BRWD1: variants seen among roughly 807,000 people sequenced by gnomAD.
The protein encoded by BRWD1 is bromodomain and WD repeat domain containing 1, also known as bromodomain and WD repeat-containing protein 1.
BRWD1 carries 82 observed loss-of-function variants against 251.2 expected under a neutral mutation model. The observed-to-expected ratio is 0.33, with a 90% CI of 0.27 to 0.39. The LOEUF (loss-of-function observed/expected upper bound fraction) is 0.39, where lower values mean the gene tolerates loss of function less well. Among genes scored for constraint, BRWD1 ranks in the 10% least tolerant of loss-of-function variants. The pLI is 1.00. For missense variants in BRWD1, 2,233 were observed against 2,711.6 expected (o/e 0.82, Z 3.92); for synonymous variants, 918 against 902.8 (o/e 1.02, Z -0.30).
rs1357260391 is a variant in BRWD1 at position 39,194,658 on chromosome 21, A to G, written c.*1601T>C. 6.5e-7 allele frequency: 1 copy of G among 1,533,668 alleles called. No individual in the cohort carries two copies. On this transcript the variant is annotated 3_prime_UTR_variant, in exon 41 of 41. Transcript: ENST00000342449. ...GTCAAATGGAATAGATAACTACAAA[A>G]TAGGAACACTTCAGAACATTCTCTA...
intron 4 of BRWD1, 44 bp from the exon 5 acceptor site, chr21:39,298,626 A>C: frequency 6.8e-7 from 1 of 1,463,662 alleles, no homozygotes; most frequent in African/African-American, 1.4e-5. Context: ...TAATAATATC[A>C]AAAACTATTA....
Position 39,194,024 on chromosome 21 carries a change from C to G in BRWD1, c.*2235G>C. ...GGCTATGCTTTTAAAGACATCAGGT[C>G]CATTCTTGCTGCTTCTGATGAAACC... On this transcript the variant is annotated 3_prime_UTR_variant, in exon 41 of 41. Transcript: ENST00000342449. 1.0e-6 allele frequency: 1 copy of G among 985,472 alleles called. No homozygotes were observed. The highest frequency in any genetic ancestry group is 1.2e-6 in the Non-Finnish European group (1 of 829,704). The allele number at this position is 985,472 out of a possible 1,614,324, so 61.0% of individuals were successfully genotyped here. A position where few individuals can be genotyped will look rare whatever the true frequency, so the allele number is the denominator to read the frequency against.
chr21:39,304,141 C>CAAAAAAAAAAAAA (rs56990201), intron 4 of BRWD1, among the ~76,000 whole-genome samples: 4 of 118,382 alleles, frequency 3.4e-5, no homozygotes, highest in Non-Finnish European at 5.2e-5. Flanking sequence ...AACTCTTTCT[C>CAAAAAAAAAAAAA]AAAAAAAAAA....
chr21:39,215,418 T>G (rs1246143550), intron 31 of BRWD1, 56 bp from the exon 32 acceptor site: 1 of 1,485,234 alleles, frequency 6.7e-7, no homozygotes, highest in East Asian at 2.3e-5. Context: ...AGAAACCAAG[T>G]GAAAAAATGC....
Position 39,187,372 on chromosome 21 carries a change from C to A in BRWD1, c.*8887G>T, listed in dbSNP as rs907351770. ...CACTGCATCCTTCTGATTATGCATA[C>A]ATGTTCTCACTTTTGTATTGGGTTC... is the stretch of plus-strand genomic sequence containing the variant. On this transcript the variant is annotated 3_prime_UTR_variant, in exon 41 of 41. Transcript: ENST00000342449. The A allele has an allele frequency of 3.1e-6, 5 of 1,605,172 alleles. No individual in the cohort carries two copies. The African/African-American group carries it at 6.7e-5, about 22-fold the overall frequency.
intron 29 of BRWD1, among the ~76,000 whole-genome samples, chr21:39,221,152 C>CT (rs1238338791): frequency 9.8e-6 from 1 of 101,766 alleles, no homozygotes; most frequent in Non-Finnish European, 2.0e-5. Flanking sequence ...AAAACTACAT[C>CT]TTAAAAAAAA....
rs1361697042 is a variant in BRWD1, at chr21:39,295,794, T to C, written c.558A>G (p.Leu186=). The C allele has an allele frequency of 8.7e-6, 14 of 1,612,080 alleles. No homozygotes were observed. In the Middle Eastern group the frequency reaches 4.9e-4, roughly 57 times the overall value. Residue 186 remains leucine, a synonymous_variant, in exon 7 of 41, where the codon CTA becomes CTG. Transcript: ENST00000342449. The stretch of plus-strand genomic sequence containing the variant: ...CAAATGCTACACAGTAAACAGCAGA[T>C]AGATGTCCGAGAATCCTTCTGTGCA... ...IKMHRRILGH[L]SAVYCVAFDR...
intron 25 of BRWD1, among the ~76,000 whole-genome samples, chr21:39,230,960 G>A (rs571361742): frequency 5.9e-5 from 9 of 152,198 alleles, no homozygotes; most frequent in African/African-American, 9.6e-5. Flanking sequence ...AAGCAAGTAC[G>A]CAGTTCACAA....
chr21:39,229,630 G>C (rs549578582), intron 25 of BRWD1, among the ~76,000 whole-genome samples, 194 bp from the exon 26 acceptor site: 1 of 152,092 alleles, frequency 6.6e-6, no homozygotes, highest in South Asian at 2.1e-4. Context: ...CTAATACAAA[G>C]AACATCCTTT....
In BRWD1 at chr21:39,193,533, C is replaced by A. The variant is rs1466843999; in HGVS notation, c.*2726G>T. The A allele has an allele frequency of 1.0e-6, 1 of 985,300 alleles. No individual in the cohort carries two copies. The highest frequency in any genetic ancestry group is 1.7e-5 in the African/African-American group (1 of 57,198). 61.0% of individuals were successfully genotyped at this position (985,300 alleles called of 1,614,324 possible). A position where few individuals can be genotyped will look rare whatever the true frequency, so the allele number is the denominator to read the frequency against. ...CTTTCCAAGAAAGCAAAAATCAAAT[C>A]TGAGTACTTCAAAGCCTGTAAAACC... is the stretch of plus-strand genomic sequence containing the variant. On this transcript the variant is annotated 3_prime_UTR_variant, in exon 41 of 41. Coordinates refer to ENST00000342449, the MANE Select transcript of BRWD1 (RefSeq NM_033656.4).
Position 39,189,076 on chromosome 21 carries a change from T to C in BRWD1, c.*7183A>G. The C allele has an allele frequency of 3.0e-6, 3 of 984,170 alleles. No homozygotes were observed. Among genetic ancestry groups the C allele is most frequent in the Non-Finnish European group, 3.6e-6 (3 of 828,754 alleles). The allele number at this position is 984,170 out of a possible 1,614,324, so 61.0% of individuals were successfully genotyped here. On this transcript the variant is annotated 3_prime_UTR_variant, in exon 41 of 41. Coordinates refer to ENST00000342449, the MANE Select transcript of BRWD1 (RefSeq NM_033656.4). Reference sequence around the variant, plus strand: ...TAGTATCTCCAACAAGTCAACCCTATATCCAAAATGAATCTTTAACACATT... The same window carrying C: ...TAGTATCTCCAACAAGTCAACCCTACATCCAAAATGAATCTTTAACACATT...
Position 39,202,315 on chromosome 21 carries a change from C to T in BRWD1, c.4585+10G>A. 6.3e-7 allele frequency: 1 copy of T among 1,590,220 alleles called. No homozygotes were observed. The highest frequency in any genetic ancestry group is 8.6e-7 in the Non-Finnish European group (1 of 1,161,534). On this transcript the variant is annotated intron_variant, in intron 38 of 40. Coordinates refer to ENST00000342449, the MANE Select transcript of BRWD1 (RefSeq NM_033656.4). ...TCAGCAAAGAAATAACATAGTATTT[C>T]ACTTCTCACCAGATAATGTAGAACC...
chr21:39,281,453 G>C (rs1265191519), intron 8 of BRWD1, among the ~76,000 whole-genome samples: 1 of 152,150 alleles, frequency 6.6e-6, no homozygotes, highest in African/African-American at 2.4e-5. Flanking sequence ...CCAGCGCTTT[G>C]TGGGGCCGAG....
At chr21:39,223,952 A>G (rs8129847) in intron 29 of BRWD1, among the ~76,000 whole-genome samples, 141,121 of 152,264 alleles carry the variant, frequency 0.93, 65,751 homozygotes, top group African/African-American at 0.97. Flanking sequence ...GGGTTCAAAC[A>G]ATTCTCCTGC....
chr21:39,286,773 CA>C (rs1411229993), intron 8 of BRWD1, among the ~76,000 whole-genome samples: 1 of 152,132 alleles, frequency 6.6e-6, no homozygotes, highest in Non-Finnish European at 1.5e-5. Context: ...CTCGGCCTCC[CA>C]AAGTGCTAGG....
Position 39,188,399 on chromosome 21 carries a change from C to T in BRWD1, c.*7860G>A, listed in dbSNP as rs1195295982. On this transcript the variant is annotated 3_prime_UTR_variant, in exon 41 of 41. Transcript: ENST00000342449. ...AACCAGTTGATATCCTCCACCCACA[C>T]TAGACATCTGGAGGACTCCACCACA... 1 of 985,242 alleles carries T rather than the reference C, an allele frequency of 1.0e-6. No individual in the cohort carries two copies. Among genetic ancestry groups the T allele is most frequent in the East Asian group, 1.1e-4 (1 of 8,818 alleles). The allele number at this position is 985,242 out of a possible 1,614,324, so 61.0% of individuals were successfully genotyped here.
In BRWD1 at chr21:39,292,027, G is replaced by C. The variant is rs948554663; in HGVS notation, c.831+1784C>G. Among the ~76,000 whole-genome samples, 164 of 149,106 alleles carry C rather than the reference G, an allele frequency of 1.1e-3. 3 individuals are homozygous for C. The highest frequency in any genetic ancestry group is 8.9e-5 in the Non-Finnish European group (6 of 67,724). ...ACTGGTGCGATAACGGCTCACTGCA[G>C]CCTCAACCTCCTGGCTCAAGCAATC... On this transcript the variant is annotated intron_variant, in intron 8 of 40. Transcript: ENST00000342449.
Position 39,199,067 on chromosome 21 carries a change from C to T in BRWD1, c.5349G>A (p.Lys1783=). 6.2e-7 allele frequency: 1 copy of T among 1,614,118 alleles called. No homozygotes were observed. The highest frequency in any genetic ancestry group is 8.5e-7 in the Non-Finnish European group (1 of 1,180,024). ...CTGCTTCCTCTGAGATGCTCTCTGCCTTAAGTTTCTGCACAGACGTTGATG... is the reference window on the plus strand; with the variant it reads ...CTGCTTCCTCTGAGATGCTCTCTGCTTTAAGTTTCTGCACAGACGTTGATG... ...AGPSTSVQKL[K]AESISEEADS... Residue 1783 remains lysine, a synonymous_variant, in exon 40 of 41, where the codon AAG becomes AAA. Transcript: ENST00000342449.
At chr21:39,243,864 A>T (rs1287030060) in intron 21 of BRWD1, among the ~76,000 whole-genome samples, 1 of 152,234 alleles carries the variant, frequency 6.6e-6, no homozygotes, top group African/African-American at 2.4e-5. Flanking sequence ...TCATACATAC[A>T]GGAGAGTGAT....
Sources: allele counts gnomAD v4.1 joint callset (sites outside exome capture counted in the v4.1 genomes callset), GRCh38; gene constraint gnomAD v4.1.1; transcripts MANE v1.5; gene names NCBI Gene and HGNC (gene_info 2026-07-23, HGNC 2026-07-21).